The following TNIP3 variants were observed in gnomAD, a reference collection of about 807,000 sequenced individuals.
The protein encoded by TNIP3 is TNFAIP3-interacting protein 3.
A neutral mutation model predicts 54.1 loss-of-function variants in TNIP3; 34 were observed. That is an observed-to-expected ratio of 0.63 (90% CI 0.48 to 0.84). TNIP3 has a LOEUF of 0.84. Among genes scored for constraint, TNIP3 ranks in the 40% least tolerant of loss-of-function variants. The pLI, the probability that TNIP3 is intolerant of heterozygous loss-of-function variation, is 0.00. For synonymous variants in TNIP3, 134 were observed against 136.8 expected (o/e 0.98, Z 0.14); for missense variants, 366 against 387.6 (o/e 0.94, Z 0.47).
intron 1 of TNIP3, among the ~76,000 whole-genome samples, chr4:121,224,374 A>C (rs1417312891): frequency 7.1e-6 from 1 of 141,584 alleles, no homozygotes; most frequent in Non-Finnish European, 1.5e-5. Context: ...AAAAATAAAA[A>C]GAAAAAAGAA....
chr4:121,218,358 A>G (rs1021774936), upstream of TNIP3, among the ~76,000 whole-genome samples: 1 of 152,184 alleles, frequency 6.6e-6, no homozygotes, highest in Non-Finnish European at 1.5e-5. Context: ...AAAGACATTA[A>G]TTAGTTTACT....
At chr4:121,168,735 G>A (rs927536501), upstream of TNIP3, among the ~76,000 whole-genome samples, 3 of 151,816 alleles carry the variant, frequency 2.0e-5, no homozygotes, top group Non-Finnish European at 4.4e-5. Context: ...GCCCACACTG[G>A]TCTTGAACTC....
chr4:121,190,073 A>G (rs529497826), intron 2 of TNIP3, among the ~76,000 whole-genome samples: 2 of 152,320 alleles, frequency 1.3e-5, no homozygotes, highest in South Asian at 4.1e-4. Flanking sequence ...ATCCTCCTAC[A>G]GGCATCCTGC....
intron 3 of TNIP3, among the ~76,000 whole-genome samples, chr4:121,170,933 C>T (rs771543203): frequency 2.6e-5 from 4 of 151,936 alleles, no homozygotes; most frequent in Non-Finnish European, 5.9e-5. Flanking sequence ...CTCCTGCCTT[C>T]GCCTCCCGAG....
At chr4:121,214,094 T>C (rs964758574) in intron 2 of TNIP3, among the ~76,000 whole-genome samples, 1 of 152,030 alleles carries the variant, frequency 6.6e-6, no homozygotes, top group African/African-American at 2.4e-5. Context: ...AGTTCAGGAG[T>C]GATAGAGGGA....
upstream of TNIP3, chr4:121,164,405 C>T (rs1382264561): frequency 1.4e-5 from 16 of 1,137,656 alleles, no homozygotes; most frequent in East Asian, 4.4e-5. Context: ...ATAGGCAGGC[C>T]GTGACTAAGA....
chr4:121,206,704 G>A (rs1579493499), intron 2 of TNIP3, among the ~76,000 whole-genome samples: 1 of 152,112 alleles, frequency 6.6e-6, no homozygotes, highest in Non-Finnish European at 1.5e-5. Flanking sequence ...TGGGACTACA[G>A]GTGCATGTCA....
At chr4:121,156,932 T>C (rs1033516521) in intron 4 of TNIP3, among the ~76,000 whole-genome samples, 162 bp downstream of exon 4, 1 of 152,204 alleles carries the variant, frequency 6.6e-6, no homozygotes, top group African/African-American at 2.4e-5. Flanking sequence ...TGACCCTTGT[T>C]CATGGCTCTT....
At chr4:121,173,247 T>C (rs1027208620) in intron 3 of TNIP3, among the ~76,000 whole-genome samples, 6 of 152,096 alleles carry the variant, frequency 3.9e-5, no homozygotes, top group African/African-American at 1.5e-4. Context: ...TTCAGGGAAG[T>C]TTTATGGGAA....
At chr4:121,135,006 T>G (rs1728696970) in intron 10 of TNIP3, among the ~76,000 whole-genome samples, 1 of 151,808 alleles carries the variant, frequency 6.6e-6, no homozygotes, top group Admixed American at 6.6e-5. Context: ...TGGACAAGGG[T>G]GGGATCTCCC....
chr4:121,163,915 A>G, intron 1 of TNIP3, 145 bp downstream of exon 1: 1 of 872,720 alleles, frequency 1.1e-6, no homozygotes, highest in Non-Finnish European at 1.6e-6. Flanking sequence ...TATGTTACAT[A>G]ATTTTGGTTA....
chr4:121,133,101 T>A (rs111515500), intron 10 of TNIP3, among the ~76,000 whole-genome samples: 178 of 152,324 alleles, frequency 1.2e-3, no homozygotes, highest in African/African-American at 4.1e-3. Context: ...ATAGAAAGAC[T>A]TGTTGGTGTA....
chr4:121,138,545 T>G (rs1728922311), intron 10 of TNIP3, 79 bp downstream of exon 10: 1 of 1,337,202 alleles, frequency 7.5e-7, no homozygotes, highest in East Asian at 2.3e-5. Flanking sequence ...TACGAATGAA[T>G]GTATGTTGAG....
intron 2 of TNIP3, chr4:121,192,826 T>C (rs1000627426): frequency 1.3e-5 from 2 of 152,212 alleles, no homozygotes; most frequent in African/African-American, 4.8e-5. Context: ...CAAATTTGCA[T>C]TGCATCCTTT....
intron 1 of TNIP3, 85 bp from the exon 2 acceptor site, chr4:121,161,301 T>C (rs1352256665): frequency 5.9e-6 from 7 of 1,176,718 alleles, no homozygotes; most frequent in Non-Finnish European, 8.3e-6. Flanking sequence ...CCCCATGCAT[T>C]TGGCCAACTC....
intron 5 of TNIP3, among the ~76,000 whole-genome samples, chr4:121,154,023 C>A (rs1276452212): frequency 2.0e-5 from 3 of 150,892 alleles, no homozygotes; most frequent in Non-Finnish European, 3.0e-5. Context: ...ACACACACAC[C>A]CCTGCATGCA....
chr4:121,182,976 G>A (rs1724801342), intron 2 of TNIP3, among the ~76,000 whole-genome samples: 1 of 152,184 alleles, frequency 6.6e-6, no homozygotes, highest in Non-Finnish European at 1.5e-5. Context: ...CTTTGAAAGA[G>A]CATTAGAGTT....
rs757722735 is a variant in TNIP3, at chr4:121,154,509, G to T, written c.492+42C>A. On this transcript the variant is annotated intron_variant, in intron 5 of 10. Coordinates refer to ENST00000057513, the MANE Select transcript of TNIP3 (RefSeq NM_024873.6). The stretch of plus-strand genomic sequence containing the variant: ...CTGTCAGTAAGAATGTTTTATGCAG[G>T]GACTTCTCATTTTAATCTCCCATGC... 3 of 1,609,576 alleles carry T rather than the reference G, an allele frequency of 1.9e-6. No individual in the cohort carries two copies. In the African/African-American group the frequency reaches 4.0e-5, roughly 22 times the overall value.
chr4:121,150,264 T>C (rs2148805443), intron 5 of TNIP3, 45 bp from the exon 6 acceptor site: 4 of 1,190,852 alleles, frequency 3.4e-6, no homozygotes, highest in Non-Finnish European at 4.9e-6. Flanking sequence ...ATTTACCACA[T>C]GGAATGAATT....
Sources: gnomAD v4.1 joint callset for allele counts (sites outside exome capture counted in the v4.1 genomes callset) on GRCh38, gnomAD v4.1.1 for gene constraint, MANE v1.5 for transcripts, NCBI Gene and HGNC (gene_info 2026-07-23, HGNC 2026-07-21) for gene names.